The following OTOGL variants were observed in gnomAD, a reference collection of about 807,000 sequenced individuals.
The protein encoded by OTOGL is otogelin-like protein.
OTOGL carries 285 observed loss-of-function variants against 318.5 expected under a neutral mutation model. The observed-to-expected ratio is 0.89, with a 90% CI of 0.81 to 0.99. The LOEUF is 0.99. Ranked by LOEUF, OTOGL falls within the 50% of genes least tolerant of loss-of-function variation. The pLI is 0.00. For missense variants in OTOGL, 2,899 were observed against 2,845.6 expected, an observed-to-expected ratio of 1.02 and a Z score of -0.43; for synonymous variants, 987 against 936.5, an observed-to-expected ratio of 1.05 and a Z score of -0.99.
At chr12:80,100,159 T>C (rs560314399) in intron 1 of OTOGL, among the ~76,000 whole-genome samples, 2 of 152,310 alleles carry the variant, frequency 1.3e-5, no homozygotes, top group East Asian at 1.9e-4. Flanking sequence ...TTTCAGACAA[T>C]GGAAATTTGC....
At chr12:80,108,853 T>C (rs1420853535) in intron 1 of OTOGL, among the ~76,000 whole-genome samples, 1 of 141,936 alleles carries the variant, frequency 7.0e-6, no homozygotes, top group Non-Finnish European at 1.5e-5. Context: ...TATGTGTATA[T>C]ATATGTGTAT....
intron 7 of OTOGL, among the ~76,000 whole-genome samples, chr12:80,228,479 C>A (rs1000291519): frequency 1.3e-4 from 20 of 151,636 alleles, no homozygotes; most frequent in South Asian, 8.4e-4. Flanking sequence ...ACAAAAAAAA[C>A]CCCAAAACAA....
intron 4 of OTOGL, 119 bp from the exon 5 acceptor site, chr12:80,217,479 A>G (rs531899186): frequency 2.7e-6 from 2 of 731,950 alleles, no homozygotes; most frequent in East Asian, 5.5e-5. Context: ...CCCAGAAAAT[A>G]TAAAGTCAGC....
chr12:80,172,992 A>G (rs1874306430), intron 1 of OTOGL, among the ~76,000 whole-genome samples: 1 of 152,146 alleles, frequency 6.6e-6, no homozygotes, highest in Non-Finnish European at 1.5e-5. Flanking sequence ...GCTGGGCTTA[A>G]TACCTGAGTG....
chr12:80,172,460 T>A (rs1874266013), intron 1 of OTOGL, among the ~76,000 whole-genome samples: 1 of 152,188 alleles, frequency 6.6e-6, no homozygotes, highest in South Asian at 2.1e-4. Context: ...TGAAGTTTGG[T>A]AATGTGCGTC....
rs1891300754 is a variant in OTOGL, at chr12:80,378,474, A to T, written c.*426A>T. The T allele has an allele frequency of 6.3e-6, 1 of 158,538 alleles. No individual in the cohort carries two copies. The highest frequency in any genetic ancestry group is 1.4e-5 in the Non-Finnish European group (1 of 71,450). 9.8% of individuals were successfully genotyped at this position (158,538 alleles called of 1,614,324 possible). A position where few individuals can be genotyped will look rare whatever the true frequency, so the allele number is the denominator to read the frequency against. On this transcript the variant is annotated 3_prime_UTR_variant, in exon 59 of 59. Coordinates refer to ENST00000547103, the MANE Select transcript of OTOGL (RefSeq NM_001378609.3). ...TTAATCTGGTAAATGTGATCAGTTA[A>T]AATTGTCATCTAGATAGCAATAAAG...
At chr12:80,273,757 T>A (rs1192772076) in intron 24 of OTOGL, among the ~76,000 whole-genome samples, 2 of 152,048 alleles carry the variant, frequency 1.3e-5, no homozygotes, top group Non-Finnish European at 2.9e-5. Flanking sequence ...GTGGCAACCC[T>A]GCATCAAGCA....
chr12:80,324,862 C>T (rs1002930598), intron 35 of OTOGL, among the ~76,000 whole-genome samples: 1 of 152,074 alleles, frequency 6.6e-6, no homozygotes, highest in Non-Finnish European at 1.5e-5. Context: ...ATGATTTGAT[C>T]TAATAGAACT....
intron 1 of OTOGL, among the ~76,000 whole-genome samples, chr12:80,113,917 A>G (rs1046154059): frequency 1.3e-5 from 2 of 151,872 alleles, no homozygotes; most frequent in Non-Finnish European, 2.9e-5. Context: ...AGTCTGTTTT[A>G]TGAGACTAGG....
chr12:80,366,510 GTTAT>G (rs1435825410), intron 52 of OTOGL, 60 bp from the exon 53 acceptor site: 7 of 94,006 alleles, frequency 7.4e-5, no homozygotes, highest in Middle Eastern at 3.4e-3. Flanking sequence ...ATATATATAG[GTTAT>G]ATATATATAT....
At chr12:80,126,097 G>C (rs1280356049) in intron 1 of OTOGL, among the ~76,000 whole-genome samples, 1 of 152,064 alleles carries the variant, frequency 6.6e-6, no homozygotes, top group Non-Finnish European at 1.5e-5. Context: ...GAGTGTGTTT[G>C]CTCTTGCTTC....
At chr12:80,278,993 TCTTTAGAAA>T in intron 25 of OTOGL, 26 bp from the exon 26 acceptor site, 1 of 1,541,268 alleles carries the variant, frequency 6.5e-7, no homozygotes, top group Non-Finnish European at 8.8e-7. Flanking sequence ...TAGAGTCGTT[TCTTTAGAAA>T]GGTAACTTTT....
chr12:80,320,347 T>C, intron 33 of OTOGL, 75 bp from the exon 34 acceptor site: 1 of 1,413,792 alleles, frequency 7.1e-7, no homozygotes, highest in South Asian at 1.4e-5. Context: ...TTGTTTACTT[T>C]ATAAGTACAT....
chr12:80,131,856 A>C (rs1871260086), intron 1 of OTOGL: 2 of 152,368 alleles, frequency 1.3e-5, no homozygotes, highest in Non-Finnish European at 1.5e-5. Flanking sequence ...TTTACAGAAG[A>C]TAAGTATAGA....
intron 1 of OTOGL, among the ~76,000 whole-genome samples, chr12:80,122,265 T>G (rs1056431659): frequency 6.9e-6 from 1 of 144,848 alleles, no homozygotes; most frequent in Non-Finnish European, 1.5e-5. Flanking sequence ...AAAAAAGAAA[T>G]AAATACACTG....
At chr12:80,226,220 A>ACACACG in intron 7 of OTOGL, among the ~76,000 whole-genome samples, 1 of 147,106 alleles carries the variant, frequency 6.8e-6, no homozygotes, top group East Asian at 2.0e-4. Flanking sequence ...ACACACACAC[A>ACACACG]CACTTCCCTT....
At chr12:80,188,545 A>T (rs149518190) in intron 1 of OTOGL, among the ~76,000 whole-genome samples, 6,698 of 148,928 alleles carry the variant, frequency 0.045, 385 homozygotes, top group East Asian at 0.18. Context: ...CTCAAAAAAA[A>T]AATAATAATA....
At chr12:80,355,991 A>C in intron 47 of OTOGL, 43 bp downstream of exon 47, 1 of 1,570,400 alleles carries the variant, frequency 6.4e-7, no homozygotes, top group Non-Finnish European at 8.8e-7. Flanking sequence ...TCCACAAAAT[A>C]TGTTGATATT....
At chr12:80,364,541 A>G (rs1000594014) in intron 52 of OTOGL, among the ~76,000 whole-genome samples, 3 of 152,068 alleles carry the variant, frequency 2.0e-5, no homozygotes, top group African/African-American at 7.2e-5. Context: ...CCAAAAAGAA[A>G]CCCTGTACCT....
Sources: gnomAD v4.1 joint callset for allele counts (sites outside exome capture counted in the v4.1 genomes callset) on GRCh38, gnomAD v4.1.1 for gene constraint, MANE v1.5 for transcripts, NCBI Gene and HGNC (gene_info 2026-07-23, HGNC 2026-07-21) for gene names.